Variants in CDH13 observed in about 807,000 individuals in gnomAD.
CDH13 encodes the protein cadherin-13.
Under a neutral mutation model 63.8 loss-of-function variants are expected in CDH13, and 24 were observed. That is an observed-to-expected ratio of 0.38 (90% CI 0.27 to 0.53). CDH13 has a LOEUF of 0.53. Ranked by LOEUF, CDH13 falls within the 20% of genes least tolerant of loss-of-function variation. The pLI is 0.85. For missense variants in CDH13, 1,049 were observed against 903.1 expected (o/e 1.16, Z -2.07); for synonymous variants, 503 against 355.3 (o/e 1.42, Z -4.67).
chr16:83,139,124 T>A (rs1369564273), intron 4 of CDH13, among the ~76,000 whole-genome samples: 1 of 152,154 alleles, frequency 6.6e-6, no homozygotes, highest in Non-Finnish European at 1.5e-5. Context: ...AAGAGAACTC[T>A]TCCCAGAGGT....
chr16:83,574,923 T>A (rs56732351), intron 7 of CDH13, among the ~76,000 whole-genome samples: 1,567 of 151,984 alleles, frequency 0.01, 61 homozygotes, highest in Admixed American at 0.068. Context: ...AAAACACACA[T>A]CCACAGAGAA....
chr16:83,668,955 G>A (rs60731445), intron 8 of CDH13, among the ~76,000 whole-genome samples: 11,368 of 152,238 alleles, frequency 0.075, 682 homozygotes, highest in African/African-American at 0.17. Context: ...CACAAGGGTA[G>A]GTCATGTCAT....
At chr16:82,675,535 T>G (rs1483809318) in intron 1 of CDH13, among the ~76,000 whole-genome samples, 1 of 152,202 alleles carries the variant, frequency 6.6e-6, no homozygotes, top group Non-Finnish European at 1.5e-5. Context: ...CCAGCACAGT[T>G]TCAAAGCTGC....
intron 6 of CDH13, among the ~76,000 whole-genome samples, chr16:83,379,932 TATATATAG>T: frequency 1.2e-5 from 1 of 86,302 alleles, no homozygotes; most frequent in African/African-American, 4.0e-5. Flanking sequence ...TATATATATA[TATATATAG>T]AGAGAGAGAG....
At chr16:82,816,026 C>A (rs923343248) in intron 1 of CDH13, among the ~76,000 whole-genome samples, 2 of 152,118 alleles carry the variant, frequency 1.3e-5, no homozygotes, top group African/African-American at 4.8e-5. Flanking sequence ...GCTGGGAAGC[C>A]TGGGTCTGAT....
intron 5 of CDH13, among the ~76,000 whole-genome samples, chr16:83,335,256 G>C (rs935674523): frequency 5.9e-5 from 9 of 152,176 alleles, no homozygotes; most frequent in Non-Finnish European, 1.2e-4. Flanking sequence ...ATTGTATCAA[G>C]TTGAGATTCC....
intron 1 of CDH13, among the ~76,000 whole-genome samples, chr16:82,653,877 G>C (rs951796608): frequency 1.3e-5 from 2 of 152,104 alleles, no homozygotes; most frequent in African/African-American, 4.8e-5. Context: ...CCACATTCAA[G>C]GCCCTGAGAG....
chr16:82,719,175 T>C (rs988090084), intron 1 of CDH13, among the ~76,000 whole-genome samples: 1 of 152,120 alleles, frequency 6.6e-6, no homozygotes, highest in African/African-American at 2.4e-5. Context: ...AGATGAAACA[T>C]GGTATGGGGG....
chr16:83,385,899 T>C (rs2091664011), intron 6 of CDH13, among the ~76,000 whole-genome samples: 1 of 152,212 alleles, frequency 6.6e-6, no homozygotes, highest in South Asian at 2.1e-4. Context: ...TCTGATCCCA[T>C]CTGAAGCTAC....
At chr16:82,772,757 G>A (rs1251343919) in intron 1 of CDH13, among the ~76,000 whole-genome samples, 1 of 152,284 alleles carries the variant, frequency 6.6e-6, no homozygotes, top group African/African-American at 2.4e-5. Context: ...GAGATTTAGA[G>A]AAGTAAAGTA....
intron 8 of CDH13, among the ~76,000 whole-genome samples, chr16:83,632,241 A>G (rs1183807749): frequency 1.4e-5 from 2 of 144,440 alleles, no homozygotes; most frequent in African/African-American, 5.2e-5. Flanking sequence ...TCTTATTCAC[A>G]GGGCAGGATG....
At chr16:83,619,454 G>C (rs370921092) in intron 8 of CDH13, among the ~76,000 whole-genome samples, 34 of 152,342 alleles carry the variant, frequency 2.2e-4, no homozygotes, top group African/African-American at 8.2e-4. Flanking sequence ...CAGCCATGTG[G>C]CTTCAACAAC....
At chr16:83,568,728 T>C (rs8050973) in intron 7 of CDH13, among the ~76,000 whole-genome samples, 83,466 of 151,948 alleles carry the variant, frequency 0.55, 23,860 homozygotes, top group East Asian at 0.68. Context: ...AACAGTGTCT[T>C]TTCCAGCAGT....
intron 5 of CDH13, among the ~76,000 whole-genome samples, chr16:83,319,966 TC>T (rs2090186026): frequency 6.6e-6 from 1 of 152,162 alleles, no homozygotes; most frequent in Non-Finnish European, 1.5e-5. Flanking sequence ...AAAACGAGGT[TC>T]TAAGTAATTC....
chr16:83,064,507 A>C (rs2031841817), intron 3 of CDH13, among the ~76,000 whole-genome samples: 1 of 152,184 alleles, frequency 6.6e-6, no homozygotes, highest in South Asian at 2.1e-4. Flanking sequence ...TAAAAAGAAA[A>C]AGGAAAATTA....
intron 2 of CDH13, among the ~76,000 whole-genome samples, chr16:82,927,252 G>A (rs1029085850): frequency 6.6e-6 from 1 of 152,176 alleles, no homozygotes; most frequent in East Asian, 1.9e-4. Context: ...AGCAGTTGGG[G>A]CAGTCATAGA....
intron 2 of CDH13, among the ~76,000 whole-genome samples, chr16:82,999,045 C>G (rs72794134): frequency 0.16 from 24,458 of 152,058 alleles, 2,360 homozygotes; most frequent in African/African-American, 0.26. Context: ...TATTCTTCCA[C>G]GTTCCATCAG....
At chr16:83,061,419 C>T (rs2031540309) in intron 3 of CDH13, among the ~76,000 whole-genome samples, 1 of 152,182 alleles carries the variant, frequency 6.6e-6, no homozygotes, top group Admixed American at 6.5e-5. Context: ...AAATAGTTTC[C>T]TGGTGACCTT....
intron 4 of CDH13, among the ~76,000 whole-genome samples, chr16:83,140,517 G>C (rs1377083703): frequency 6.6e-6 from 1 of 152,104 alleles, no homozygotes; most frequent in Non-Finnish European, 1.5e-5. Flanking sequence ...GCAGTGGTGT[G>C]ATCTTGGCTC....
Sources: gnomAD v4.1 joint callset for allele counts (sites outside exome capture counted in the v4.1 genomes callset) on GRCh38, gnomAD v4.1.1 for gene constraint, MANE v1.5 for transcripts, NCBI Gene and HGNC (gene_info 2026-07-23, HGNC 2026-07-21) for gene names.